FHIP1A: variants seen among roughly 807,000 people sequenced by gnomAD.
FHIP1A encodes the protein FHF complex subunit HOOK interacting protein 1A, also known as FHF complex subunit HOOK-interacting protein 1A.
Under a neutral mutation model 88.6 loss-of-function variants are expected in FHIP1A, and 61 were observed. That is an observed-to-expected ratio of 0.69 (90% CI 0.56 to 0.85). The LOEUF is 0.85. Ranked by LOEUF, FHIP1A falls within the 40% of genes least tolerant of loss-of-function variation. FHIP1A has a pLI of 0.00. For synonymous variants in FHIP1A, 478 were observed against 496.0 expected, an observed-to-expected ratio of 0.96 and a Z score of 0.48; for missense variants, 1,154 against 1,273.5, an observed-to-expected ratio of 0.91 and a Z score of 1.43.
At chr4:151,644,229 T>C (rs1466246586) in intron 9 of FHIP1A, among the ~76,000 whole-genome samples, 2 of 152,166 alleles carry the variant, frequency 1.3e-5, no homozygotes, top group African/African-American at 2.4e-5. Flanking sequence ...GGACAGATTT[T>C]CCCAGCTCTC....
intron 1 of FHIP1A, among the ~76,000 whole-genome samples, chr4:151,452,501 G>A (rs1260230190): frequency 6.6e-6 from 1 of 152,098 alleles, no homozygotes; most frequent in Non-Finnish European, 1.5e-5. Flanking sequence ...TGAGGTGGGC[G>A]GATCAGTTGA....
At chr4:151,475,761 C>T (rs998927644) in intron 2 of FHIP1A, among the ~76,000 whole-genome samples, 4 of 151,516 alleles carry the variant, frequency 2.6e-5, no homozygotes, top group Non-Finnish European at 5.9e-5. Context: ...AGGTTTATTT[C>T]GGGAATGCAA....
intron 2 of FHIP1A, among the ~76,000 whole-genome samples, chr4:151,461,240 A>G (rs1024453904): frequency 2.6e-5 from 4 of 152,152 alleles, no homozygotes; most frequent in African/African-American, 9.7e-5. Context: ...GGAGGTGAAG[A>G]GATGTTTAGG....
chr4:151,448,518 A>G (rs1728685660), intron 1 of FHIP1A, among the ~76,000 whole-genome samples: 1 of 152,158 alleles, frequency 6.6e-6, no homozygotes, highest in East Asian at 1.9e-4. Flanking sequence ...TTCTCCATGA[A>G]TTAGACTACT....
intron 2 of FHIP1A, among the ~76,000 whole-genome samples, chr4:151,462,148 G>C (rs1398331280): frequency 6.6e-6 from 1 of 152,156 alleles, no homozygotes; most frequent in African/African-American, 2.4e-5. Context: ...GCAACAGAGT[G>C]AGACCCTGTC....
rs1732123407 is a variant in FHIP1A, at chr4:151,537,765, A to G, written c.-122-28373A>G. ...GTAACTGTGTTAGAAATTGGGTTGG[A>G]ATATCCTTTGTTTTGTTAACAACTA... On this transcript the variant is annotated intron_variant, in intron 3 of 13. Coordinates refer to ENST00000435205, the MANE Select transcript of FHIP1A (RefSeq NM_001109977.3). 2.0e-5 allele frequency among the ~76,000 whole-genome samples: 3 copies of G among 152,120 alleles called. No individual in the cohort carries two copies. The South Asian group carries it at 6.2e-4, about 32-fold the overall frequency.
At chr4:151,499,546 G>T (rs1464451794) in intron 3 of FHIP1A, among the ~76,000 whole-genome samples, 1 of 152,140 alleles carries the variant, frequency 6.6e-6, no homozygotes, top group Non-Finnish European at 1.5e-5. Flanking sequence ...TTACACACTG[G>T]CTACAAAGTC....
At chr4:151,659,755 C>T (rs1046702614) in intron 13 of FHIP1A, among the ~76,000 whole-genome samples, 3 of 152,170 alleles carry the variant, frequency 2.0e-5, no homozygotes, top group South Asian at 4.1e-4. Flanking sequence ...TTATGCAGGC[C>T]CTGCATTCCC....
At chr4:151,529,945 C>A (rs995202266) in intron 3 of FHIP1A, among the ~76,000 whole-genome samples, 4 of 152,024 alleles carry the variant, frequency 2.6e-5, no homozygotes, top group Non-Finnish European at 4.4e-5. Flanking sequence ...CAGTACTGGC[C>A]CTTTCTTATT....
intron 3 of FHIP1A, among the ~76,000 whole-genome samples, chr4:151,504,242 C>T (rs1435013651): frequency 6.6e-6 from 1 of 152,226 alleles, no homozygotes. Flanking sequence ...AAACAAGCTA[C>T]AATGCCTGTA....
At chr4:151,648,992 T>C (rs1736895623) in intron 10 of FHIP1A, among the ~76,000 whole-genome samples, 1 of 152,118 alleles carries the variant, frequency 6.6e-6, no homozygotes, top group African/African-American at 2.4e-5. Context: ...AATGAGTTAA[T>C]AGGCTTTTCT....
chr4:151,650,100 A>G lies in FHIP1A; in HGVS notation c.2059A>G (p.Thr687Ala). 1 of 1,551,622 alleles carries G rather than the reference A, an allele frequency of 6.4e-7. No individual in the cohort carries two copies. Among genetic ancestry groups the G allele is most frequent in the East Asian group, 2.4e-5 (1 of 40,912 alleles). Reference protein sequence around the residue: ...VPINNGPLLSTQPETDSEEEW... With the variant: ...VPINNGPLLSAQPETDSEEEW... ...CATCAACAACGGCCCCCTCCTCAGC[A>G]CCCAGCCAGAGACAGATTCAGAGGA... The change falls in exon 11 of 14, where the codon ACC becomes GCC. Residue 687 changes from threonine (T) to alanine (A), a missense_variant. Coordinates refer to ENST00000435205, the MANE Select transcript of FHIP1A (RefSeq NM_001109977.3).
chr4:151,649,108 C>A (rs1027107578), intron 10 of FHIP1A, among the ~76,000 whole-genome samples: 2 of 152,166 alleles, frequency 1.3e-5, no homozygotes, highest in Admixed American at 6.5e-5. Flanking sequence ...TACTCTGTGG[C>A]AGGTACTATA....
chr4:151,593,405 T>G (rs1295177043), intron 7 of FHIP1A, among the ~76,000 whole-genome samples: 1 of 152,214 alleles, frequency 6.6e-6, no homozygotes, highest in Non-Finnish European at 1.5e-5. Context: ...GCATAGAATG[T>G]TTTTCCATTT....
chr4:151,460,170 T>C (rs1462712318), intron 2 of FHIP1A, among the ~76,000 whole-genome samples: 3 of 152,182 alleles, frequency 2.0e-5, no homozygotes, highest in Admixed American at 6.6e-5. Context: ...AAAATGTGGG[T>C]AAATTTTTAA....
chr4:151,644,390 C>T (rs1324510399), intron 9 of FHIP1A, among the ~76,000 whole-genome samples: 1 of 151,790 alleles, frequency 6.6e-6, no homozygotes, highest in Non-Finnish European at 1.5e-5. Context: ...CTCACTCTGT[C>T]CCCCAGGCTG....
intron 3 of FHIP1A, among the ~76,000 whole-genome samples, chr4:151,548,687 T>A (rs1302291381): frequency 6.6e-6 from 1 of 152,036 alleles, no homozygotes; most frequent in East Asian, 1.9e-4. Flanking sequence ...TTTGGGAGGC[T>A]GAGGTGGATA....
intron 11 of FHIP1A, among the ~76,000 whole-genome samples, chr4:151,653,819 A>G (rs1181639075): frequency 6.6e-6 from 1 of 152,070 alleles, no homozygotes; most frequent in African/African-American, 2.4e-5. Context: ...GTGCAGGAAG[A>G]GGGTGCAGGC....
chr4:151,587,913 A>G (rs1243042270), intron 6 of FHIP1A, among the ~76,000 whole-genome samples: 1 of 152,102 alleles, frequency 6.6e-6, no homozygotes, highest in African/African-American at 2.4e-5. Context: ...AGATGGAACT[A>G]CTATTAGTTC....
Sources: allele counts gnomAD v4.1 joint callset (sites outside exome capture counted in the v4.1 genomes callset), GRCh38; gene constraint gnomAD v4.1.1; transcripts MANE v1.5; gene names NCBI Gene and HGNC (gene_info 2026-07-23, HGNC 2026-07-21).